The following PALM3 variants were observed in gnomAD, a reference collection of about 807,000 sequenced individuals.
PALM3 encodes paralemmin 3.
Under a neutral mutation model 27.9 loss-of-function variants are expected in PALM3, and 20 were observed. The observed-to-expected ratio is 0.72, with a 90% CI of 0.50 to 1.04. The LOEUF (loss-of-function observed/expected upper bound fraction) is 1.04. Among genes scored for constraint, PALM3 ranks in the 50% least tolerant of loss-of-function variants. The pLI is 0.00. For synonymous variants in PALM3, 328 were observed against 352.7 expected (o/e 0.93, Z 0.79); for missense variants, 814 against 869.4 (o/e 0.94, Z 0.80).
In PALM3 at chr19:14,054,808, G is replaced by A. The variant is rs868173387; in HGVS notation, c.864C>T (p.Ile288=). Residue 288 remains isoleucine, a synonymous_variant, in exon 7 of 7, where the codon ATC becomes ATT. Transcript: ENST00000669674. ...LPAWVKEDRG[I]VEVVWEGVGG... ...CCACCCCCTCCCAGACCACCTCCAC[G>A]ATGCCCCTGTCCTCCTTCACCCAGG... 1.9e-5 allele frequency: 27 copies of A among 1,445,878 alleles called. No individual in the cohort carries two copies. The East Asian group carries it at 4.1e-4, about 22-fold the overall frequency. The allele number at this position is 1,445,878 out of a possible 1,614,324, so 89.6% of individuals were successfully genotyped here. A position where few individuals can be genotyped will look rare whatever the true frequency, so the allele number is the denominator to read the frequency against.
intron 1 of PALM3, 49 bp from the exon 2 acceptor site, chr19:14,059,212 C>A: frequency 1.4e-6 from 2 of 1,425,410 alleles, no homozygotes; most frequent in South Asian, 2.9e-5. Flanking sequence ...TTGAACGCCC[C>A]CCTCTTGGCC....
chr19:14,058,945 T>C (rs1976368038), intron 2 of PALM3, among the ~76,000 whole-genome samples, 170 bp downstream of exon 2: 1 of 151,036 alleles, frequency 6.6e-6, no homozygotes, highest in Non-Finnish European at 1.5e-5. Flanking sequence ...ATTCTGAGGG[T>C]GGTAGTGACC....
Position 14,053,914 on chromosome 19 carries a change from C to T in PALM3, c.1758G>A (p.Glu586=), listed in dbSNP as rs1270111562. The change falls in exon 7 of 7, where the codon GAG becomes GAA. Residue 586 remains glutamate, a synonymous_variant. Transcript: ENST00000669674. Reference sequence around the variant, plus strand: ...TCTCCTGGGGCTGGGGTCCTTCCTTCTCTGGCCTTGTCTCCGTGTTAGCCT... The same window carrying T: ...TCTCCTGGGGCTGGGGTCCTTCCTTTTCTGGCCTTGTCTCCGTGTTAGCCT... ...PLEANTETRP[E]KEGPQPQEKP... 2.6e-6 allele frequency: 4 copies of T among 1,551,544 alleles called. No homozygotes were observed. Among genetic ancestry groups the T allele is most frequent in the Non-Finnish European group, 3.5e-6 (4 of 1,146,958 alleles).
In PALM3 at chr19:14,054,111, C is replaced by T; in HGVS notation, c.1561G>A (p.Ala521Thr). ...EPEATKEPLE[A>T]ERKGGEETLE... ...GTCTCCTCCCCTCCCTTTCTCTCTG[C>T]CTCCAGTGGTTCTTTGGTTGCCTCT... is the stretch of plus-strand genomic sequence containing the variant. Residue 521 changes from alanine (A) to threonine (T), a missense_variant, in exon 7 of 7, where the codon GCA (alanine) becomes ACA (threonine). Physicochemically the swap from Ala to Thr is moderately conservative, Grantham distance 58. Coordinates refer to ENST00000669674, the MANE Select transcript of PALM3 (RefSeq NM_001145028.2). 2 of 1,551,806 alleles carry T rather than the reference C, an allele frequency of 1.3e-6. No homozygotes were observed. Among genetic ancestry groups the T allele is most frequent in the Non-Finnish European group, 8.7e-7 (1 of 1,146,992 alleles).
At chr19:14,056,306 G>T (rs1045655777) in intron 5 of PALM3, 123 bp downstream of exon 5, 5 of 951,110 alleles carry the variant, frequency 5.3e-6, no homozygotes, top group African/African-American at 1.6e-5. Flanking sequence ...AGCGGGAAGC[G>T]GATCTGAATG....
chr19:14,053,518 CCTGT>C lies in PALM3; in HGVS notation c.*83_*86del, dbSNP rs1226994212. ...AGGTGCCATGGCCAGTCCTGTGGTC[CCTGT>C]CTGTGCCTGGGACCCTCTTCTGGGT... On this transcript the variant is annotated 3_prime_UTR_variant, in exon 7 of 7. Coordinates refer to ENST00000669674, the MANE Select transcript of PALM3 (RefSeq NM_001145028.2). 7.2e-7 allele frequency: 1 copy of C among 1,394,430 alleles called. No individual in the cohort carries two copies. The highest frequency in any genetic ancestry group is 1.5e-5 in the African/African-American group (1 of 68,596). 86.4% of individuals were successfully genotyped at this position (1,394,430 alleles called of 1,614,324 possible). A position where few individuals can be genotyped will look rare whatever the true frequency, so the allele number is the denominator to read the frequency against.
chr19:14,054,691 T>G lies in PALM3; in HGVS notation c.981A>C (p.Ala327=), dbSNP rs1976265326. ...CATCTTCCCCTTCTATGGAAGCTGC[T>G]GCCTCTAATCTCTCCTGGAGCCTAG... The part of the protein sequence containing the change: ...SSPRLQERLE[A]AASIEGEDVP... The change falls in exon 7 of 7, where the codon GCA becomes GCC. Residue 327 remains alanine (A), a synonymous_variant. Transcript: ENST00000669674. The G allele has an allele frequency of 3.9e-6, 6 of 1,551,554 alleles. No homozygotes were observed. The highest frequency in any genetic ancestry group is 5.2e-6 in the Non-Finnish European group (6 of 1,146,912).
rs987249644 is a variant in PALM3 at position 14,056,685 on chromosome 19, C to A, written c.291G>T (p.Arg97=). ...ACGTGAACAAACTGTCTTCCAGGTT[C>A]CGGATTCGGGCCTGAGCCTGGCCCT... ...SPEGQAQARI[R]NLEDSLFTLQ... Residue 97 remains arginine (R), a synonymous_variant, in exon 4 of 7, where the codon CGG becomes CGT. Coordinates refer to ENST00000669674, the MANE Select transcript of PALM3 (RefSeq NM_001145028.2). 6.4e-7 allele frequency: 1 copy of A among 1,551,746 alleles called. No individual in the cohort carries two copies. The highest frequency in any genetic ancestry group is 8.7e-7 in the Non-Finnish European group (1 of 1,147,002).
chr19:14,057,590 C>G (rs900710394), intron 2 of PALM3, 159 bp from the exon 3 acceptor site: 1 of 347,766 alleles, frequency 2.9e-6, no homozygotes, highest in Non-Finnish European at 4.8e-6. Flanking sequence ...GGTCTGCACC[C>G]AGGGCGGGGA....
At chr19:14,058,132 G>A (rs1368987431) in intron 2 of PALM3, among the ~76,000 whole-genome samples, 2 of 151,938 alleles carry the variant, frequency 1.3e-5, no homozygotes, top group Admixed American at 1.3e-4. Context: ...GGAGGGGAGG[G>A]TGCTAGTGAG....
intron 5 of PALM3, among the ~76,000 whole-genome samples, chr19:14,056,112 T>C (rs764052145): frequency 3.3e-5 from 5 of 152,224 alleles, no homozygotes; most frequent in African/African-American, 4.8e-5. Flanking sequence ...TTTCACCATG[T>C]TGGCCAGGCT....
In PALM3 at chr19:14,055,429, C is replaced by A. The variant is rs1976288249; in HGVS notation, c.400-4G>T. 6.4e-6 allele frequency: 10 copies of A among 1,551,410 alleles called. No homozygotes were observed. Among genetic ancestry groups the A allele is most frequent in the Non-Finnish European group, 8.7e-6 (10 of 1,146,942 alleles). On this transcript the variant is annotated splice_polypyrimidine_tract_variant and splice_region_variant and intron_variant, in intron 5 of 6. Transcript: ENST00000669674. ...ACTGGGAGAGAGGACGGTGACCCTG[C>A]AGAGATGGCGGAGACAAGGTCAGGC... is the stretch of plus-strand genomic sequence containing the variant.
Position 14,054,042 on chromosome 19 carries a change from C to G in PALM3, c.1630G>C (p.Glu544Gln), listed in dbSNP as rs1976241675. The G allele has an allele frequency of 6.4e-7, 1 of 1,551,786 alleles. No homozygotes were observed. Among genetic ancestry groups the G allele is most frequent in the Non-Finnish European group, 8.7e-7 (1 of 1,146,998 alleles). The change falls in exon 7 of 7, where the codon GAG becomes CAG. Residue 544 changes from glutamate to glutamine, a missense_variant. Coordinates refer to ENST00000669674, the MANE Select transcript of PALM3 (RefSeq NM_001145028.2). ...TCTCCCTCCGTCCCTTGGGTCTTCTCTGTCTCCAATGATTCCTCACCTCCC... is the reference window on the plus strand; with the variant it reads ...TCTCCCTCCGTCCCTTGGGTCTTCTGTGTCTCCAATGATTCCTCACCTCCC... ...KRGGEESLET[E>Q]KTQGTEGDLN...
At position 14,054,405 on chromosome 19, in the gene PALM3, C is replaced by T. The variant is rs1368797300; in HGVS notation, c.1267G>A (p.Glu423Lys). Residue 423 changes from glutamate to lysine, a missense_variant, in exon 7 of 7, where the codon GAA becomes AAA. Coordinates refer to ENST00000669674, the MANE Select transcript of PALM3 (RefSeq NM_001145028.2). ...TCATCCCTCCCTGTCCCTGGCTTTT[C>T]CTCACTTCCTATTCCCATGGATTCT... Reference protein sequence around the residue: ...AEESMGIGSEEKPGTGRDEAE... With the variant: ...AEESMGIGSEKKPGTGRDEAE... 3.2e-6 allele frequency: 5 copies of T among 1,551,870 alleles called. No homozygotes were observed. The highest frequency in any genetic ancestry group is 4.4e-6 in the Non-Finnish European group (5 of 1,147,022).
rs75426611 is a variant in PALM3, at chr19:14,060,741, T to C, written c.41+1199A>G. On this transcript the variant is annotated intron_variant, in intron 1 of 6. Coordinates refer to ENST00000669674, the MANE Select transcript of PALM3 (RefSeq NM_001145028.2). The stretch of plus-strand genomic sequence containing the variant: ...GCAGCCTGGAGACCCTGAATGCTGT[T>C]TGGGGCAAGGAATTGAAGTCATGCT... Among the ~76,000 whole-genome samples, 1,390 of 152,170 alleles carry C rather than the reference T, an allele frequency of 9.1e-3. 16 individuals carry two copies. The highest frequency in any genetic ancestry group is 0.025 in the South Asian group (119 of 4,810).
chr19:14,055,292 ACT>A, intron 6 of PALM3, 66 bp from the exon 7 acceptor site: 1 of 1,389,678 alleles, frequency 7.2e-7, no homozygotes, highest in Non-Finnish European at 9.3e-7. Flanking sequence ...GAACAAAAGG[ACT>A]GCCATCCACA....
At chr19:14,061,013 G>A (rs193263292) in intron 1 of PALM3, among the ~76,000 whole-genome samples, 17 of 152,204 alleles carry the variant, frequency 1.1e-4, no homozygotes, top group African/African-American at 3.9e-4. Flanking sequence ...TGCCCGCCTC[G>A]GCCTCCCAAA....
At chr19:14,056,388 G>T in intron 5 of PALM3, 41 bp downstream of exon 5, 1 of 1,502,356 alleles carries the variant, frequency 6.7e-7, no homozygotes, top group South Asian at 1.2e-5. Context: ...GAGGCCTGCT[G>T]GCCATGCCCT....
chr19:14,058,506 A>G (rs567482335), intron 2 of PALM3, among the ~76,000 whole-genome samples: 2 of 151,574 alleles, frequency 1.3e-5, no homozygotes, highest in Admixed American at 1.3e-4. Context: ...GAGTAGTGAG[A>G]TGGGAGTGCA....
Sources: allele counts gnomAD v4.1 joint callset (sites outside exome capture counted in the v4.1 genomes callset), GRCh38; gene constraint gnomAD v4.1.1; transcripts MANE v1.5; gene names NCBI Gene and HGNC (gene_info 2026-07-23, HGNC 2026-07-21).